The following NDST1 variants were observed in gnomAD, a reference collection of about 807,000 sequenced individuals.
NDST1 encodes the protein bifunctional heparan sulfate N-deacetylase/N-sulfotransferase 1.
Under a neutral mutation model 92.8 loss-of-function variants are expected in NDST1, and 35 were observed. The ratio of observed to expected loss-of-function variants is 0.38; its 90% confidence interval spans 0.29 to 0.50. The LOEUF is 0.50. Among genes scored for constraint, NDST1 ranks in the 20% least tolerant of loss-of-function variants. The pLI is 0.94. For missense variants in NDST1, 822 were observed against 1,182.7 expected, an observed-to-expected ratio of 0.69 and a Z score of 4.47; for synonymous variants, 493 against 500.3, an observed-to-expected ratio of 0.99 and a Z score of 0.19.
chr5:150,522,285 A>G (rs919065292), intron 2 of NDST1, among the ~76,000 whole-genome samples: 6 of 151,590 alleles, frequency 4.0e-5, no homozygotes, highest in Non-Finnish European at 7.4e-5. Context: ...GCGTTAATAT[A>G]CCTCCTGACC....
intron 1 of NDST1, among the ~76,000 whole-genome samples, chr5:150,500,612 G>C (rs912518260): frequency 6.6e-6 from 1 of 152,232 alleles, no homozygotes; most frequent in Non-Finnish European, 1.5e-5. Context: ...GAACAGGTCA[G>C]GAGAGGAGGC....
chr5:150,498,402 T>C (rs1320141786), intron 1 of NDST1, among the ~76,000 whole-genome samples: 3 of 152,258 alleles, frequency 2.0e-5, no homozygotes, highest in Non-Finnish European at 4.4e-5. Context: ...TAGTTCTAGC[T>C]CTGCTATGAA....
At chr5:150,513,811 T>G (rs1753835479) in intron 1 of NDST1, among the ~76,000 whole-genome samples, 1 of 152,208 alleles carries the variant, frequency 6.6e-6, no homozygotes, top group African/African-American at 2.4e-5. Flanking sequence ...CCCTTGTACC[T>G]CTGCCCCTTT....
chr5:150,545,022 G>T (rs1333942464), intron 10 of NDST1, among the ~76,000 whole-genome samples: 1 of 152,098 alleles, frequency 6.6e-6, no homozygotes, highest in Non-Finnish European at 1.5e-5. Context: ...TAGGATTGAG[G>T]GGCATTACCC....
chr5:150,549,765 A>G lies in NDST1; in HGVS notation c.2404A>G (p.Ile802Val), dbSNP rs1755640710. The change falls in exon 13 of 15, where the codon ATT becomes GTT. Residue 802 changes from isoleucine to valine, a missense_variant. Transcript: ENST00000261797. The part of the protein sequence containing the change: ...VQKFLGVTNT[I>V]DYHKTLAFDP... ...GAAGTTCCTTGGGGTGACCAACACC[A>G]TTGACTACCACAAAACCTTGGCGTG... The G allele has an allele frequency of 6.2e-7, 1 of 1,612,002 alleles. No homozygotes were observed. Among genetic ancestry groups the G allele is most frequent in the Non-Finnish European group, 8.5e-7 (1 of 1,178,036 alleles).
At chr5:150,534,765 C>T in intron 4 of NDST1, 102 bp from the exon 5 acceptor site, 1 of 1,456,514 alleles carries the variant, frequency 6.9e-7, no homozygotes, top group South Asian at 1.1e-5. Flanking sequence ...CCAGGCAGCT[C>T]CTGGGTGGGC....
In NDST1 at chr5:150,533,022, C is replaced by T. The variant is rs1413649534; in HGVS notation, c.1086C>T (p.Phe362=). The change falls in exon 4 of 15, where the codon TTC becomes TTT. Residue 362 remains phenylalanine, a synonymous_variant. Coordinates refer to ENST00000261797, the MANE Select transcript of NDST1 (RefSeq NM_001543.5). ...FTFNLGYSGK[F]FHTGTNAEDA... is the part of the protein sequence containing the mutation. ...TCAACCTGGGCTACTCAGGGAAATT[C>T]TTCCACACAGGTAAGTGGGCCTGCC... 2 of 1,614,040 alleles carry T rather than the reference C, an allele frequency of 1.2e-6. No individual in the cohort carries two copies. Among genetic ancestry groups the T allele is most frequent in the Non-Finnish European group, 1.7e-6 (2 of 1,180,014 alleles).
intron 10 of NDST1, among the ~76,000 whole-genome samples, chr5:150,543,424 C>T (rs1755337438): frequency 6.6e-6 from 1 of 152,210 alleles, no homozygotes; most frequent in African/African-American, 2.4e-5. Context: ...TGCCACTTCC[C>T]ACCAGAGCCT....
intron 4 of NDST1, among the ~76,000 whole-genome samples, 186 bp downstream of exon 4, chr5:150,533,218 T>C (rs1357025938): frequency 2.0e-5 from 3 of 152,234 alleles, no homozygotes; most frequent in African/African-American, 7.2e-5. Flanking sequence ...AGAGGCCATC[T>C]GGGGACAACA....
Position 150,521,385 on chromosome 5 carries a change from G to T in NDST1, c.131G>T (p.Gly44Val), listed in dbSNP as rs756408869. Reference protein sequence around the residue: ...SAYYLYGWKRGLEPSADAPEP... With the variant: ...SAYYLYGWKRVLEPSADAPEP... ...TACTACCTATATGGCTGGAAGCGAG[G>T]CCTGGAGCCCTCGGCGGATGCCCCC... Residue 44 changes from glycine to valine, a missense_variant, in exon 2 of 15, where the codon GGC becomes GTC. Physicochemically the swap from Gly to Val is moderately radical, Grantham distance 109. Coordinates refer to ENST00000261797, the MANE Select transcript of NDST1 (RefSeq NM_001543.5). This position sits in a 1 kb window ranked among gnomAD's most constrained non-coding sequence, Gnocchi z 5.9. 6 of 1,613,442 alleles carry T rather than the reference G, an allele frequency of 3.7e-6. No individual in the cohort carries two copies. The Admixed American group carries it at 1.0e-4, about 27-fold the overall frequency.
chr5:150,547,631 AAG>A (rs1451014344), intron 11 of NDST1, among the ~76,000 whole-genome samples: 2 of 152,174 alleles, frequency 1.3e-5, no homozygotes, highest in Non-Finnish European at 2.9e-5. Flanking sequence ...GCTTTCAACA[AAG>A]AGAGCATGTT....
intron 8 of NDST1, 38 bp downstream of exon 8, chr5:150,540,302 A>G: frequency 6.4e-7 from 1 of 1,565,410 alleles, no homozygotes; most frequent in Non-Finnish European, 8.7e-7. Context: ...TGCTACAGGG[A>G]TGGAACGCCA....
intron 5 of NDST1, chr5:150,535,422 C>G (rs1187635650): frequency 1.0e-6 from 1 of 979,916 alleles, no homozygotes; most frequent in Non-Finnish European, 1.2e-6. Context: ...TTGTCCCTCA[C>G]TACAGGGTAC....
intron 1 of NDST1, among the ~76,000 whole-genome samples, chr5:150,513,422 C>G (rs948189499): frequency 1.3e-5 from 2 of 152,102 alleles, no homozygotes; most frequent in Non-Finnish European, 2.9e-5. Context: ...AGCTTGAACC[C>G]AGGAGGGGAA....
chr5:150,526,059 T>G (rs1754463267), intron 2 of NDST1, among the ~76,000 whole-genome samples: 1 of 152,212 alleles, frequency 6.6e-6, no homozygotes, highest in African/African-American at 2.4e-5. Context: ...TTCTTGCTAT[T>G]CCTTGGTCAT....
intron 1 of NDST1, among the ~76,000 whole-genome samples, chr5:150,499,278 C>T (rs2343813): frequency 0.12 from 18,888 of 152,226 alleles, 1,507 homozygotes; most frequent in East Asian, 0.28. Flanking sequence ...AATTGGAAGA[C>T]AGGAAAACCT....
chr5:150,537,661 G>A (rs1402041521), intron 6 of NDST1, among the ~76,000 whole-genome samples: 4 of 152,128 alleles, frequency 2.6e-5, no homozygotes, highest in Admixed American at 1.3e-4. Flanking sequence ...CTGTGATCTC[G>A]CCCTGCCTCC....
chr5:150,529,243 T>G (rs1301311808), intron 3 of NDST1, among the ~76,000 whole-genome samples: 1 of 151,620 alleles, frequency 6.6e-6, no homozygotes, highest in East Asian at 1.9e-4. Context: ...AATAAAACAT[T>G]AGCTGGGTGT....
rs766038600 is a variant in NDST1, at chr5:150,521,276, C to T, written c.22C>T (p.Arg8Trp). Residue 8 changes from arginine (R) to tryptophan (W), a missense_variant, in exon 2 of 15, where the codon CGG (arginine) becomes TGG (tryptophan). Coordinates refer to ENST00000261797, the MANE Select transcript of NDST1 (RefSeq NM_001543.5). The surrounding 1 kb of genome is among the most constrained non-coding windows in gnomAD (Gnocchi z 5.9). The part of the protein sequence containing the change: MPALACL[R>W]RLCRHVSPQA... ...CAGGATGCCTGCCCTGGCATGCCTC[C>T]GGAGGCTGTGTCGGCACGTGTCCCC... 18 of 1,611,002 alleles carry T rather than the reference C, an allele frequency of 1.1e-5. No homozygotes were observed. Among genetic ancestry groups the T allele is most frequent in the South Asian group, 2.2e-5 (2 of 91,074 alleles).
Sources: allele counts gnomAD v4.1 joint callset (sites outside exome capture counted in the v4.1 genomes callset), GRCh38; gene constraint gnomAD v4.1.1; non-coding constraint Gnocchi (gnomAD v3.1); transcripts MANE v1.5; gene names NCBI Gene and HGNC (gene_info 2026-07-23, HGNC 2026-07-21).